The following CFAP92 variants were observed in gnomAD, a reference collection of about 807,000 sequenced individuals.
CFAP92 encodes the protein cilia and flagella associated protein 92 (putative), also known as uncharacterized protein CFAP92.
In CFAP92, 86 loss-of-function variants were observed where a neutral mutation model predicts 106.3. The ratio of observed to expected loss-of-function variants is 0.81; its 90% CI spans 0.68 to 0.97. The LOEUF is 0.97. Ranked by LOEUF, CFAP92 falls within the 50% of genes least tolerant of loss-of-function variation. CFAP92 has a pLI of 0.00. For missense variants in CFAP92, 1,204 were observed against 1,283.8 expected, an observed-to-expected ratio of 0.94 and a Z score of 0.95; for synonymous variants, 477 against 506.4, an observed-to-expected ratio of 0.94 and a Z score of 0.78.
intron 10 of CFAP92, among the ~76,000 whole-genome samples, chr3:128,939,924 T>C (rs1380166250): frequency 6.6e-6 from 1 of 152,258 alleles, no homozygotes; most frequent in Non-Finnish European, 1.5e-5. Context: ...GACCTCCTGC[T>C]GTGCAGCCCA....
At chr3:128,963,248 C>T (rs943745550) in intron 9 of CFAP92, among the ~76,000 whole-genome samples, 10 of 152,186 alleles carry the variant, frequency 6.6e-5, no homozygotes, top group African/African-American at 7.2e-5. Flanking sequence ...ATGCTTAGTG[C>T]GGTCAGAATT....
chr3:128,974,980 C>T (rs573406148), intron 7 of CFAP92, among the ~76,000 whole-genome samples: 3 of 149,318 alleles, frequency 2.0e-5, no homozygotes, highest in South Asian at 2.1e-4. Flanking sequence ...ATTAGCCAGG[C>T]GTGGTGGCGG....
intron 4 of CFAP92, among the ~76,000 whole-genome samples, chr3:128,987,105 G>C (rs1456207630): frequency 2.0e-5 from 3 of 152,072 alleles, no homozygotes; most frequent in Non-Finnish European, 4.4e-5. Context: ...AGGTTGCAGT[G>C]AGCCGAGATC....
At position 128,910,224 on chromosome 3, in the gene CFAP92, T is replaced by C. The variant is rs1936113891; in HGVS notation, c.*75A>G. 9 of 1,606,358 alleles carry C rather than the reference T, an allele frequency of 5.6e-6. No individual in the cohort carries two copies. Among genetic ancestry groups the C allele is most frequent in the Non-Finnish European group, 7.6e-6 (9 of 1,177,926 alleles). Reference sequence around the variant, plus strand: ...GCTGCACTTTAATGAAGTTGATTGTTGAGGAGGGTGTGGTCGGGTGTGGGG... The same window carrying C: ...GCTGCACTTTAATGAAGTTGATTGTCGAGGAGGGTGTGGTCGGGTGTGGGG... On this transcript the variant is annotated 3_prime_UTR_variant, in exon 16 of 16. Transcript: ENST00000645291.
intron 12 of CFAP92, among the ~76,000 whole-genome samples, chr3:128,919,142 T>C (rs1937063011): frequency 6.6e-6 from 1 of 152,080 alleles, no homozygotes; most frequent in African/African-American, 2.4e-5. Context: ...AGACAGGGTT[T>C]CACCATGTTC....
intron 10 of CFAP92, among the ~76,000 whole-genome samples, chr3:128,943,920 G>GTTTTTTTTT (rs768570835): frequency 1.6e-4 from 18 of 110,146 alleles, no homozygotes; most frequent in African/African-American, 5.0e-4. Context: ...TATTTCCCCC[G>GTTTTTTTTT]TTTTTTTTTT....
chr3:128,915,544 G>T lies in CFAP92; in HGVS notation c.2936C>A (p.Thr979Lys). The change falls in exon 14 of 16, where the codon ACG (threonine) becomes AAG (lysine). Residue 979 changes from threonine to lysine, a missense_variant. By Grantham distance (78) the Thr-to-Lys change is moderately conservative. Transcript: ENST00000645291. The part of the protein sequence containing the change: ...EIAKEPRKRF[T>K]YSQDYLSAMV... ...GGCTGAGAGGTAATCCTGTGAGTAC[G>T]TGAATCTCTTTCTTGGCTCCTAGAA... The T allele has an allele frequency of 6.6e-7, 1 of 1,520,916 alleles. No individual in the cohort carries two copies. The allele number at this position is 1,520,916 out of a possible 1,614,324, so 94.2% of individuals were successfully genotyped here.
intron 9 of CFAP92, among the ~76,000 whole-genome samples, chr3:128,958,707 C>A (rs753886046): frequency 1.3e-4 from 19 of 151,838 alleles, no homozygotes; most frequent in Admixed American, 1.2e-3. Flanking sequence ...TCAGGACCAG[C>A]CTGCGCAACA....
At position 128,910,251 on chromosome 3, in the gene CFAP92, A is replaced by T. The variant is rs1158478744; in HGVS notation, c.*48T>A. On this transcript the variant is annotated 3_prime_UTR_variant, in exon 16 of 16. Coordinates refer to ENST00000645291, the MANE Select transcript of CFAP92 (RefSeq NM_001394090.1). ...AGGAGGGTGTGGTCGGGTGTGGGGGAGGCTGTGCAGGTTCACCATGCGGTG... is the reference window on the plus strand; with the variant it reads ...AGGAGGGTGTGGTCGGGTGTGGGGGTGGCTGTGCAGGTTCACCATGCGGTG... 5 of 1,568,218 alleles carry T rather than the reference A, an allele frequency of 3.2e-6. No homozygotes were observed. Among genetic ancestry groups the T allele is most frequent in the Non-Finnish European group, 8.6e-7 (1 of 1,159,780 alleles).
At chr3:128,916,702 G>A (rs950568283) in intron 12 of CFAP92, among the ~76,000 whole-genome samples, 1 of 152,184 alleles carries the variant, frequency 6.6e-6, no homozygotes, top group Non-Finnish European at 1.5e-5. Flanking sequence ...CTGTCCAGCA[G>A]GCCCAGTAAG....
At chr3:128,922,183 C>A (rs193206694) in intron 12 of CFAP92, among the ~76,000 whole-genome samples, 3,363 of 148,420 alleles carry the variant, frequency 0.023, 52 homozygotes, top group Non-Finnish European at 0.034. Flanking sequence ...ACTAAAAATA[C>A]AAAAAAAAAA....
chr3:129,024,528 C>T, the CFAP92 span, among the ~76,000 whole-genome samples: 1 of 146,268 alleles, frequency 6.8e-6, no homozygotes, highest in Non-Finnish European at 1.5e-5. Flanking sequence ...AAGACTCCGT[C>T]GCAAAAAAAA....
At chr3:129,015,214 T>G in the CFAP92 span, among the ~76,000 whole-genome samples, 5 of 152,038 alleles carry the variant, frequency 3.3e-5, no homozygotes, top group Non-Finnish European at 5.9e-5. Flanking sequence ...GCTCCCCTTC[T>G]CAGGCCCTTT....
At chr3:128,960,350 A>G (rs1386735600) in intron 9 of CFAP92, among the ~76,000 whole-genome samples, 1 of 152,214 alleles carries the variant, frequency 6.6e-6, no homozygotes, top group Non-Finnish European at 1.5e-5. Flanking sequence ...CTATGACCTC[A>G]GGTCCTCAGA....
At chr3:128,956,510 G>C (rs1235490247) in intron 9 of CFAP92, among the ~76,000 whole-genome samples, 1 of 151,950 alleles carries the variant, frequency 6.6e-6, no homozygotes, top group Non-Finnish European at 1.5e-5. Flanking sequence ...TCCACACCAA[G>C]ACATGTCATA....
At chr3:129,004,450 C>T (rs1472287625), upstream of CFAP92, among the ~76,000 whole-genome samples, 2 of 146,744 alleles carry the variant, frequency 1.4e-5, no homozygotes, top group Non-Finnish European at 3.0e-5. Flanking sequence ...CACCTACCCA[C>T]CCGTCCATCC....
intron 9 of CFAP92, among the ~76,000 whole-genome samples, chr3:128,950,993 G>A (rs1364172389): frequency 6.6e-6 from 1 of 152,086 alleles, no homozygotes; most frequent in Non-Finnish European, 1.5e-5. Flanking sequence ...TTTTAAGGAC[G>A]GTAGTCTCAG....
chr3:128,945,488 C>T lies in CFAP92; in HGVS notation c.1841G>A (p.Gly614Asp), dbSNP rs747813382. 1 of 1,536,124 alleles carries T rather than the reference C, an allele frequency of 6.5e-7. No homozygotes were observed. Among genetic ancestry groups the T allele is most frequent in the South Asian group, 1.2e-5 (1 of 84,064 alleles). Residue 614 changes from glycine to aspartate, a missense_variant, in exon 10 of 16, where the codon GGC becomes GAC. Physicochemically the swap from Gly to Asp is moderately conservative, Grantham distance 94. Coordinates refer to ENST00000645291, the MANE Select transcript of CFAP92 (RefSeq NM_001394090.1). ...CCTGGGCATTGGGCCGTGCTGGTGG[C>T]CATCTCTGGGGACCCCAAGCCCCAC... ...KVVGLGVPRD[G>D]HQHGPMPRGN...
At chr3:129,002,965 T>C (rs1170280228), upstream of CFAP92, among the ~76,000 whole-genome samples, 1 of 152,072 alleles carries the variant, frequency 6.6e-6, no homozygotes, top group Non-Finnish European at 1.5e-5. Context: ...GGACCCAGCC[T>C]TAGCATCTGG....
Sources: allele counts gnomAD v4.1 joint callset (sites outside exome capture counted in the v4.1 genomes callset), GRCh38; gene constraint gnomAD v4.1.1; transcripts MANE v1.5; gene names NCBI Gene and HGNC (gene_info 2026-07-23, HGNC 2026-07-21).